RAD23B: variants seen among roughly 807,000 people sequenced by gnomAD.
RAD23B encodes the protein RAD23 nucleotide excision repair protein B, also known as lysine-specific demethylase RAD23B.
Under a neutral mutation model 49.1 loss-of-function variants are expected in RAD23B, and 5 were observed. That is an observed-to-expected ratio of 0.10 (90% confidence interval 0.05 to 0.21). The LOEUF (loss-of-function observed/expected upper bound fraction) is 0.21, where lower values mean the gene tolerates loss of function less well. RAD23B is among the 10% of genes least tolerant of loss of function. The pLI is 1.00. For synonymous variants in RAD23B, 184 were observed against 165.4 expected (o/e 1.11, Z -0.86); for missense variants, 356 against 486.7 (o/e 0.73, Z 2.53).
intron 1 of RAD23B, 107 bp from the exon 2 acceptor site, chr9:107,300,034 C>T: frequency 7.5e-7 from 1 of 1,339,770 alleles, no homozygotes; most frequent in Non-Finnish European, 1.0e-6. Flanking sequence ...GTTTTGGAAA[C>T]ATTAATAATT....
At chr9:107,290,361 G>T (rs1173892170) in intron 1 of RAD23B, among the ~76,000 whole-genome samples, 3 of 151,958 alleles carry the variant, frequency 2.0e-5, no homozygotes, top group African/African-American at 7.3e-5. Context: ...CCATTTCTAG[G>T]GTATACAAAC....
chr9:107,309,353 G>A (rs1481657706), intron 4 of RAD23B, among the ~76,000 whole-genome samples: 1 of 152,218 alleles, frequency 6.6e-6, no homozygotes, highest in East Asian at 1.9e-4. Context: ...TGTTAAATGA[G>A]TGTGGTTTTG....
chr9:107,315,958 A>G (rs1826983961), intron 5 of RAD23B, among the ~76,000 whole-genome samples: 1 of 150,864 alleles, frequency 6.6e-6, no homozygotes, highest in Admixed American at 6.6e-5. Context: ...AGGTGTGGAG[A>G]CTCTTGACTG....
intron 1 of RAD23B, among the ~76,000 whole-genome samples, chr9:107,286,539 C>T (rs1302898598): frequency 2.0e-5 from 3 of 152,118 alleles, no homozygotes; most frequent in Non-Finnish European, 4.4e-5. Context: ...TTAATCTTTG[C>T]AAAGATCTTT....
chr9:107,325,038 C>A, intron 9 of RAD23B, 34 bp downstream of exon 9: 2 of 1,579,602 alleles, frequency 1.3e-6, no homozygotes, highest in Non-Finnish European at 1.7e-6. Context: ...AAAATTAGTT[C>A]TTGGCTGGGC....
At position 107,331,397 on chromosome 9, in the gene RAD23B, G is replaced by T; in HGVS notation, c.*1741G>T. The T allele has an allele frequency of 3.0e-6, 1 of 329,608 alleles. No individual in the cohort carries two copies. The allele number at this position is 329,608 out of a possible 1,614,324, so 20.4% of individuals were successfully genotyped here. A position where few individuals can be genotyped will look rare whatever the true frequency, so the allele number is the denominator to read the frequency against. On this transcript the variant is annotated 3_prime_UTR_variant, in exon 10 of 10. Coordinates refer to ENST00000358015, the MANE Select transcript of RAD23B (RefSeq NM_002874.5). Reference sequence around the variant, plus strand: ...GCACGCCTGTGGTCCCAGCTACTTGGGAGGCTGAGGCATGAGAATTGCTTG... The same window carrying T: ...GCACGCCTGTGGTCCCAGCTACTTGTGAGGCTGAGGCATGAGAATTGCTTG...
chr9:107,300,005 GA>G, intron 1 of RAD23B, 135 bp from the exon 2 acceptor site: 1 of 1,153,480 alleles, frequency 8.7e-7, no homozygotes, highest in Non-Finnish European at 1.2e-6. Flanking sequence ...ATATAAATTG[GA>G]AAAACATAAT....
At chr9:107,305,532 G>C (rs1305100771) in intron 3 of RAD23B, among the ~76,000 whole-genome samples, 1 of 152,136 alleles carries the variant, frequency 6.6e-6, no homozygotes, top group Non-Finnish European at 1.5e-5. Flanking sequence ...ACCCAGTGCA[G>C]TTCAAACCCT....
At chr9:107,317,290 A>G (rs1158589177) in intron 5 of RAD23B, among the ~76,000 whole-genome samples, 2 of 152,166 alleles carry the variant, frequency 1.3e-5, no homozygotes, top group African/African-American at 4.8e-5. Flanking sequence ...CCTACCAGGT[A>G]TGCTGGTAAG....
chr9:107,306,262 A>C, intron 3 of RAD23B, 117 bp from the exon 4 acceptor site: 3 of 926,036 alleles, frequency 3.2e-6, no homozygotes, highest in South Asian at 2.0e-5. Context: ...AATTATTTTC[A>C]AGTTATAGGT....
chr9:107,290,067 A>G (rs1172849387), intron 1 of RAD23B, among the ~76,000 whole-genome samples: 2 of 151,942 alleles, frequency 1.3e-5, no homozygotes, highest in Non-Finnish European at 2.9e-5. Flanking sequence ...TAGTCCAGTC[A>G]CTCTTCCACT....
At chr9:107,285,461 G>T (rs1833257074) in intron 1 of RAD23B, among the ~76,000 whole-genome samples, 1 of 152,098 alleles carries the variant, frequency 6.6e-6, no homozygotes, top group Non-Finnish European at 1.5e-5. Flanking sequence ...AATATGTGTG[G>T]GTGTATTGAA....
rs181246802 is a variant in RAD23B at position 107,317,916 on chromosome 9, C to T, written c.554-836C>T. ...CTTTCTAGCTCCTAACCTCTCTTTC[C>T]CCCGTTTCAGTTATATAAGGTATCA... On this transcript the variant is annotated intron_variant, in intron 5 of 9. Transcript: ENST00000358015. Among the ~76,000 whole-genome samples, 230 of 152,084 alleles carry T rather than the reference C, an allele frequency of 1.5e-3. 1 individual carries two copies. The highest frequency in any genetic ancestry group is 5.1e-3 in the African/African-American group (213 of 41,484).
At position 107,289,563 on chromosome 9, in the gene RAD23B, G is replaced by A. The variant is rs150227904; in HGVS notation, c.66+5868G>A. 2.6e-4 allele frequency among the ~76,000 whole-genome samples: 40 copies of A among 152,206 alleles called. No homozygotes were observed. In the East Asian group the frequency reaches 7.6e-3, roughly 29 times the overall value. ...GCAAGAGTGAAAAGCAGAGACATCA[G>A]TTAGGGGGCTTGTGCAGTAGTTTTA... On this transcript the variant is annotated intron_variant, in intron 1 of 9. Transcript: ENST00000358015.
At chr9:107,290,184 T>G (rs1444651863) in intron 1 of RAD23B, among the ~76,000 whole-genome samples, 3 of 152,206 alleles carry the variant, frequency 2.0e-5, no homozygotes, top group Non-Finnish European at 4.4e-5. Flanking sequence ...GTCTACAAGG[T>G]CCTACCGTAG....
intron 9 of RAD23B, among the ~76,000 whole-genome samples, chr9:107,329,189 T>G (rs1229870166): frequency 6.6e-6 from 1 of 152,256 alleles, no homozygotes; most frequent in Non-Finnish European, 1.5e-5. Flanking sequence ...GCCATTTGAT[T>G]TACATATTTC....
chr9:107,298,849 AATT>A (rs1324463798), intron 1 of RAD23B, among the ~76,000 whole-genome samples: 2 of 152,082 alleles, frequency 1.3e-5, no homozygotes, highest in African/African-American at 4.8e-5. Flanking sequence ...GCTTTAAAAA[AATT>A]TTACTTGTGT....
Position 107,283,558 on chromosome 9 carries a change from C to T in RAD23B, c.-72C>T, listed in dbSNP as rs2133057275. ...AGGAGCGCGGGCGACCCCGGGGCCC[C>T]GCCAGGCCACAGACCCCGCCCAGCG... On this transcript the variant is annotated 5_prime_UTR_variant, in exon 1 of 10. Transcript: ENST00000358015. The T allele has an allele frequency of 1.6e-6, 2 of 1,261,630 alleles. No individual in the cohort carries two copies. Among genetic ancestry groups the T allele is most frequent in the East Asian group, 3.2e-5 (1 of 31,340 alleles). The allele number at this position is 1,261,630 out of a possible 1,614,324, so 78.2% of individuals were successfully genotyped here.
intron 6 of RAD23B, among the ~76,000 whole-genome samples, chr9:107,320,876 C>T (rs1295178285): frequency 6.6e-6 from 1 of 152,122 alleles, no homozygotes; most frequent in Non-Finnish European, 1.5e-5. Flanking sequence ...ATCCATGCAG[C>T]CATTTTCCTG....
Sources: gnomAD v4.1 joint callset for allele counts (sites outside exome capture counted in the v4.1 genomes callset) on GRCh38, gnomAD v4.1.1 for gene constraint, MANE v1.5 for transcripts, NCBI Gene and HGNC (gene_info 2026-07-23, HGNC 2026-07-21) for gene names.